PRKN: variants seen among roughly 807,000 people sequenced by gnomAD.
PRKN encodes E3 ubiquitin-protein ligase parkin.
Under a neutral mutation model 59.5 loss-of-function variants are expected in PRKN, and 56 were observed. The observed-to-expected ratio is 0.94, with a 90% confidence interval of 0.76 to 1.18. PRKN has a LOEUF of 1.18. PRKN is among the 50% of genes most tolerant of loss of function. The pLI is 0.00. For synonymous variants in PRKN, 250 were observed against 222.1 expected (o/e 1.13, Z -1.12); for missense variants, 657 against 596.4 (o/e 1.10, Z -1.06).
At chr6:162,300,257 T>C in intron 2 of PRKN, among the ~76,000 whole-genome samples, 1 of 136,524 alleles carries the variant, frequency 7.3e-6, no homozygotes, top group East Asian at 2.0e-4. Context: ...GTGGCTTTTC[T>C]TCTTCTTTAA....
At chr6:162,328,388 A>G (rs1783411110) in intron 2 of PRKN, among the ~76,000 whole-genome samples, 1 of 152,170 alleles carries the variant, frequency 6.6e-6, no homozygotes, top group African/African-American at 2.4e-5. Flanking sequence ...AACAAAAAAC[A>G]GCAAAACAAG....
chr6:161,590,872 A>T (rs771110667), intron 7 of PRKN, among the ~76,000 whole-genome samples: 1 of 152,220 alleles, frequency 6.6e-6, no homozygotes. Flanking sequence ...TAGACATAAT[A>T]GTCTAGATAA....
intron 6 of PRKN, among the ~76,000 whole-genome samples, chr6:161,789,382 G>A (rs975908627): frequency 1.3e-5 from 2 of 152,090 alleles, no homozygotes; most frequent in African/African-American, 4.8e-5. Context: ...CGTCCATCCT[G>A]TTCTCTCCGC....
intron 6 of PRKN, among the ~76,000 whole-genome samples, chr6:161,877,245 G>A (rs1438204169): frequency 1.3e-5 from 2 of 151,962 alleles, no homozygotes; most frequent in South Asian, 2.1e-4. Flanking sequence ...CTCCAGCCAC[G>A]GCGGCCCCAT....
intron 7 of PRKN, among the ~76,000 whole-genome samples, chr6:161,768,334 G>T (rs1024832897): frequency 6.6e-6 from 1 of 152,126 alleles, no homozygotes; most frequent in Non-Finnish European, 1.5e-5. Context: ...ACATGCGTGT[G>T]TACATTTTAT....
intron 6 of PRKN, among the ~76,000 whole-genome samples, chr6:161,883,284 T>A (rs956991724): frequency 6.6e-6 from 1 of 151,978 alleles, no homozygotes; most frequent in Non-Finnish European, 1.5e-5. Context: ...GGCACATCAC[T>A]TGAGGTCAGG....
intron 2 of PRKN, among the ~76,000 whole-genome samples, chr6:162,394,487 G>A (rs1270156600): frequency 6.6e-6 from 1 of 152,174 alleles, no homozygotes; most frequent in Non-Finnish European, 1.5e-5. Context: ...AGTCTGTGTG[G>A]CTGCAGGCTA....
chr6:161,749,211 T>G (rs1446209850), intron 7 of PRKN, among the ~76,000 whole-genome samples: 4 of 152,234 alleles, frequency 2.6e-5, no homozygotes, highest in East Asian at 1.9e-4. Context: ...GCTTCGCCTA[T>G]TTCTCTGACA....
intron 7 of PRKN, among the ~76,000 whole-genome samples, chr6:161,769,944 G>A (rs117972493): frequency 9.2e-5 from 14 of 152,246 alleles, no homozygotes; most frequent in Non-Finnish European, 1.8e-4. Flanking sequence ...ATAACTGGAC[G>A]CCTCAGGTCC....
intron 6 of PRKN, among the ~76,000 whole-genome samples, chr6:161,924,857 C>A (rs947490813): frequency 2.6e-5 from 4 of 152,196 alleles, no homozygotes; most frequent in African/African-American, 9.7e-5. Flanking sequence ...ATGAGATAAT[C>A]TATTTCAGTG....
chr6:161,843,661 G>T (rs1371589375), intron 6 of PRKN, among the ~76,000 whole-genome samples: 3 of 152,094 alleles, frequency 2.0e-5, no homozygotes, highest in African/African-American at 4.8e-5. Flanking sequence ...ATGGTGGCGG[G>T]CACCTGTAAT....
chr6:162,351,856 G>A (rs1784641217), intron 2 of PRKN, among the ~76,000 whole-genome samples: 1 of 152,096 alleles, frequency 6.6e-6, no homozygotes, highest in South Asian at 2.1e-4. Flanking sequence ...GTATGGGTGT[G>A]TGTTTATTAA....
chr6:161,726,167 T>C (rs553839725), intron 7 of PRKN, among the ~76,000 whole-genome samples: 1 of 152,354 alleles, frequency 6.6e-6, no homozygotes, highest in South Asian at 2.1e-4. Context: ...AAATAAAATT[T>C]AGTTCACTTT....
chr6:161,543,335 G>T (rs1779683942), intron 9 of PRKN, among the ~76,000 whole-genome samples: 1 of 152,120 alleles, frequency 6.6e-6, no homozygotes, highest in Admixed American at 6.6e-5. Flanking sequence ...TCCTGTATTT[G>T]CACAGGTCTA....
Position 162,369,347 on chromosome 6 carries a change from T to A in PRKN, c.171+73963A>T, listed in dbSNP as rs138768285. Among the ~76,000 whole-genome samples, 60 of 152,272 alleles carry A rather than the reference T, an allele frequency of 3.9e-4. No homozygotes were observed. In the East Asian group the frequency reaches 0.011, roughly 27 times the overall value. On this transcript the variant is annotated intron_variant, in intron 2 of 11. Transcript: ENST00000366898. Reference sequence around the variant, plus strand: ...CTGTGCCGTCTCTAGCTAAGAAAACTCTAGTTCTATGAAATATCATTCCAC... The same window carrying A: ...CTGTGCCGTCTCTAGCTAAGAAAACACTAGTTCTATGAAATATCATTCCAC...
intron 1 of PRKN, among the ~76,000 whole-genome samples, chr6:162,578,952 A>G (rs1345611247): frequency 6.6e-6 from 1 of 152,198 alleles, no homozygotes; most frequent in Non-Finnish European, 1.5e-5. Flanking sequence ...TAAACACCAT[A>G]AGACAGAAAA....
At chr6:162,020,487 TG>T (rs1223629326) in intron 5 of PRKN, among the ~76,000 whole-genome samples, 10 of 142,510 alleles carry the variant, frequency 7.0e-5, no homozygotes, top group Admixed American at 2.1e-4. Context: ...TATCAAAAAG[TG>T]GTTGATGAAG....
At chr6:161,838,944 A>G (rs1792871853) in intron 6 of PRKN, among the ~76,000 whole-genome samples, 1 of 152,186 alleles carries the variant, frequency 6.6e-6, no homozygotes. Flanking sequence ...GGGCCTGACA[A>G]GCACAAGCCC....
chr6:161,602,713 CTTCAT>C (rs905484169), intron 7 of PRKN, among the ~76,000 whole-genome samples: 4 of 152,202 alleles, frequency 2.6e-5, no homozygotes, highest in African/African-American at 7.2e-5. Context: ...CTTGTATTTA[CTTCAT>C]TTCAACATTT....
Sources: allele counts gnomAD v4.1 joint callset (sites outside exome capture counted in the v4.1 genomes callset), GRCh38; gene constraint gnomAD v4.1.1; transcripts MANE v1.5; gene names NCBI Gene and HGNC (gene_info 2026-07-23, HGNC 2026-07-21).